Variants in MICU1 observed in about 807,000 individuals in gnomAD.
MICU1 encodes calcium uptake protein 1, mitochondrial.
In MICU1, 45 loss-of-function variants were observed where a neutral mutation model predicts 56.8. That is an observed-to-expected ratio of 0.79 (90% CI 0.62 to 1.02). The LOEUF (loss-of-function observed/expected upper bound fraction) is 1.02. MICU1 is among the 50% of genes least tolerant of loss of function. MICU1 has a pLI of 0.00. For synonymous variants in MICU1, 186 were observed against 195.1 expected (o/e 0.95, Z 0.39); for missense variants, 504 against 587.1 (o/e 0.86, Z 1.46).
At chr10:72,371,579 C>A (rs1862342205) in intron 11 of MICU1, among the ~76,000 whole-genome samples, 1 of 151,500 alleles carries the variant, frequency 6.6e-6, no homozygotes, top group African/African-American at 2.4e-5. Flanking sequence ...CCCATCTCTA[C>A]TAAAAATATG....
chr10:72,441,872 C>G (rs1289262107), intron 8 of MICU1, among the ~76,000 whole-genome samples: 1 of 151,988 alleles, frequency 6.6e-6, no homozygotes, highest in South Asian at 2.1e-4. Flanking sequence ...CCCACCCTGG[C>G]CTCCCAGAAT....
chr10:72,513,392 T>C (rs990302571), intron 5 of MICU1, among the ~76,000 whole-genome samples: 4 of 152,240 alleles, frequency 2.6e-5, no homozygotes, highest in African/African-American at 7.2e-5. Flanking sequence ...TTGCTCATTT[T>C]TGAATTTGTT....
At chr10:72,537,617 T>C (rs1436429461) in intron 4 of MICU1, among the ~76,000 whole-genome samples, 1 of 152,234 alleles carries the variant, frequency 6.6e-6, no homozygotes, top group African/African-American at 2.4e-5. Context: ...GCCTTTTTAT[T>C]GATAAGAAAG....
chr10:72,517,469 G>A (rs1048919800), intron 5 of MICU1, among the ~76,000 whole-genome samples: 2 of 152,134 alleles, frequency 1.3e-5, no homozygotes, highest in African/African-American at 4.8e-5. Context: ...AATGGCATTC[G>A]CAGCAACTTG....
intron 6 of MICU1, among the ~76,000 whole-genome samples, chr10:72,488,645 C>T (rs1337937222): frequency 6.6e-6 from 1 of 151,186 alleles, no homozygotes; most frequent in East Asian, 1.9e-4. Flanking sequence ...TTTTTTTTTT[C>T]CCCACTGCTC....
At chr10:72,602,520 C>T (rs1286335601) in intron 1 of MICU1, among the ~76,000 whole-genome samples, 1 of 151,958 alleles carries the variant, frequency 6.6e-6, no homozygotes, top group African/African-American at 2.4e-5. Context: ...TTATGATTTG[C>T]TAATCATGTC....
intron 1 of MICU1, among the ~76,000 whole-genome samples, chr10:72,576,788 G>A (rs1319566726): frequency 6.6e-6 from 1 of 152,194 alleles, no homozygotes; most frequent in East Asian, 1.9e-4. Flanking sequence ...TCAAAGGACA[G>A]GCTGACTCTC....
chr10:72,406,605 T>C (rs1488251097), intron 10 of MICU1, among the ~76,000 whole-genome samples: 1 of 147,948 alleles, frequency 6.8e-6, no homozygotes, highest in Non-Finnish European at 1.5e-5. Context: ...ATATACTCCT[T>C]ATTAAAAAAA....
chr10:72,472,131 A>G (rs1865970822), intron 8 of MICU1, among the ~76,000 whole-genome samples: 1 of 152,184 alleles, frequency 6.6e-6, no homozygotes, highest in African/African-American at 2.4e-5. Flanking sequence ...CATTTTCTTC[A>G]TTCTGTGAAG....
intron 2 of MICU1, among the ~76,000 whole-genome samples, chr10:72,565,765 G>T (rs910077369): frequency 1.3e-5 from 2 of 152,072 alleles, no homozygotes; most frequent in Admixed American, 1.3e-4. Flanking sequence ...AGTAAGCTGA[G>T]ATCATGCCAC....
chr10:72,547,571 G>T (rs1589328939), intron 4 of MICU1, among the ~76,000 whole-genome samples: 1 of 149,172 alleles, frequency 6.7e-6, no homozygotes, highest in African/African-American at 2.5e-5. Flanking sequence ...AGAAAATAAA[G>T]AAACGTACAA....
chr10:72,494,790 T>G (rs376373267), intron 6 of MICU1, among the ~76,000 whole-genome samples: 1 of 151,960 alleles, frequency 6.6e-6, no homozygotes, highest in East Asian at 1.9e-4. Context: ...TTCTAACAAC[T>G]GTTTTTCTTT....
At chr10:72,528,526 A>G (rs1868027876) in intron 5 of MICU1, among the ~76,000 whole-genome samples, 3 of 152,224 alleles carry the variant, frequency 2.0e-5, no homozygotes, top group Admixed American at 1.3e-4. Flanking sequence ...AGGGAAAGAC[A>G]TGGCTAATTA....
chr10:72,526,381 C>T (rs377454526), intron 5 of MICU1, among the ~76,000 whole-genome samples: 5 of 152,170 alleles, frequency 3.3e-5, no homozygotes, highest in South Asian at 4.2e-4. Context: ...ACTGCACCTC[C>T]GCCTCCCGGG....
chr10:72,571,346 AGAGT>A (rs2132486206), intron 1 of MICU1, among the ~76,000 whole-genome samples: 1 of 152,342 alleles, frequency 6.6e-6, no homozygotes, highest in South Asian at 2.1e-4. Context: ...CTTGGTTGAC[AGAGT>A]AAGACCCTAC....
At position 72,562,253 on chromosome 10, in the gene MICU1, A is replaced by G. The variant is rs141656466; in HGVS notation, c.330+642T>C. Among the ~76,000 whole-genome samples the G allele has an allele frequency of 8.1e-4, 115 of 141,462 alleles. 1 individual carries two copies. The East Asian group carries it at 0.022, about 27-fold the overall frequency. 92.8% of individuals were successfully genotyped at this position (141,462 alleles called of 152,430 possible). A position where few individuals can be genotyped will look rare whatever the true frequency, so the allele number is the denominator to read the frequency against. ...ACTGCAACCTCCACCTCCCGGGTTC[A>G]AGCAATTCTCCTGACTCAGCCTCCT... On this transcript the variant is annotated intron_variant, in intron 3 of 11. Coordinates refer to ENST00000361114, the MANE Select transcript of MICU1 (RefSeq NM_001195518.2).
At chr10:72,424,786 G>A (rs1000896649) in intron 8 of MICU1, among the ~76,000 whole-genome samples, 7 of 152,212 alleles carry the variant, frequency 4.6e-5, no homozygotes, top group Non-Finnish European at 8.8e-5. Context: ...CTTCTGAGCA[G>A]TGGCACATTC....
intron 1 of MICU1, among the ~76,000 whole-genome samples, chr10:72,578,126 G>A (rs1840797425): frequency 6.6e-6 from 1 of 152,068 alleles, no homozygotes; most frequent in Admixed American, 6.6e-5. Flanking sequence ...CTTTTTTTAA[G>A]AAATTGCCAC....
Position 72,609,818 on chromosome 10 carries a change from G to A in MICU1, c.-2+16192C>T, listed in dbSNP as rs958678804. Among the ~76,000 whole-genome samples the A allele has an allele frequency of 4.6e-5, 7 of 150,890 alleles. No individual in the cohort carries two copies. In the South Asian group the frequency reaches 6.3e-4, roughly 13 times the overall value. Reference sequence around the variant, plus strand: ...TGGGAGGCCTAGGTGGGTGGATCACGAGGTCAGGAGTTCAAGACCAGCCTG... The same window carrying A: ...TGGGAGGCCTAGGTGGGTGGATCACAAGGTCAGGAGTTCAAGACCAGCCTG... On this transcript the variant is annotated intron_variant, in intron 1 of 11. Transcript: ENST00000361114.
Sources: gnomAD v4.1 joint callset for allele counts (sites outside exome capture counted in the v4.1 genomes callset) on GRCh38, gnomAD v4.1.1 for gene constraint, MANE v1.5 for transcripts, NCBI Gene and HGNC (gene_info 2026-07-23, HGNC 2026-07-21) for gene names.